DNER: variants seen among roughly 807,000 people sequenced by gnomAD.
DNER encodes delta and Notch-like epidermal growth factor-related receptor.
In DNER, 33 loss-of-function variants were observed where a neutral mutation model predicts 78.2. The observed-to-expected ratio is 0.42, with a 90% CI of 0.32 to 0.56. The LOEUF (loss-of-function observed/expected upper bound fraction) is 0.56, where lower values mean the gene tolerates loss of function less well. Ranked by LOEUF, DNER falls within the 20% of genes least tolerant of loss-of-function variation. The pLI, the probability that DNER is intolerant of heterozygous loss-of-function variation, is 0.11. For synonymous variants in DNER, 417 were observed against 384.8 expected, an observed-to-expected ratio of 1.08 and a Z score of -0.98; for missense variants, 918 against 975.3, an observed-to-expected ratio of 0.94 and a Z score of 0.78.
At chr2:229,579,200 G>A (rs1697351630) in intron 4 of DNER, among the ~76,000 whole-genome samples, 1 of 152,160 alleles carries the variant, frequency 6.6e-6, no homozygotes. Flanking sequence ...CCCTCTGGCA[G>A]AGTTAGCTGC....
intron 1 of DNER, among the ~76,000 whole-genome samples, chr2:229,638,985 C>T (rs562469943): frequency 6.6e-6 from 1 of 152,266 alleles, no homozygotes; most frequent in East Asian, 1.9e-4. Context: ...ACCACCTGGA[C>T]TCACCTGACG....
intron 5 of DNER, among the ~76,000 whole-genome samples, chr2:229,521,545 G>A (rs952532531): frequency 8.5e-5 from 13 of 152,158 alleles, no homozygotes; most frequent in South Asian, 2.1e-4. Flanking sequence ...AGTAACCATT[G>A]ACACATTTTG....
At chr2:229,432,475 A>C (rs989003724) in intron 8 of DNER, among the ~76,000 whole-genome samples, 8 of 152,234 alleles carry the variant, frequency 5.3e-5, no homozygotes, top group African/African-American at 1.9e-4. Context: ...ATACTAACAA[A>C]GAGAAATTTT....
chr2:229,682,775 G>T (rs2154217165), intron 1 of DNER, among the ~76,000 whole-genome samples: 1 of 152,276 alleles, frequency 6.6e-6, no homozygotes, highest in East Asian at 1.9e-4. Context: ...TTGAACCCAG[G>T]AGGCAGAGGT....
intron 4 of DNER, among the ~76,000 whole-genome samples, chr2:229,551,268 C>T (rs1696730201): frequency 6.6e-6 from 1 of 152,168 alleles, no homozygotes; most frequent in East Asian, 1.9e-4. Context: ...TCACAAATAT[C>T]TACGATGACT....
intron 1 of DNER, among the ~76,000 whole-genome samples, chr2:229,692,749 A>G (rs1425760283): frequency 2.0e-5 from 3 of 152,164 alleles, no homozygotes; most frequent in African/African-American, 7.2e-5. Flanking sequence ...TTAATATTCC[A>G]CTGTTTCAAT....
chr2:229,561,527 T>C (rs1050774546), intron 4 of DNER, among the ~76,000 whole-genome samples: 2 of 152,148 alleles, frequency 1.3e-5, no homozygotes, highest in South Asian at 2.1e-4. Flanking sequence ...TTATTTAATA[T>C]CAAAATACAG....
chr2:229,705,922 C>T (rs1699820923), intron 1 of DNER, among the ~76,000 whole-genome samples: 2 of 152,178 alleles, frequency 1.3e-5, no homozygotes, highest in Non-Finnish European at 2.9e-5. Flanking sequence ...TCACATACTT[C>T]CCTGGAAATA....
intron 8 of DNER, among the ~76,000 whole-genome samples, chr2:229,440,633 TG>T (rs777049044): frequency 3.7e-4 from 57 of 152,368 alleles, no homozygotes; most frequent in Middle Eastern, 3.4e-3. Context: ...TTTTTTCCCC[TG>T]GTTTCAGTCT....
intron 1 of DNER, among the ~76,000 whole-genome samples, chr2:229,614,063 A>T (rs1036256378): frequency 4.0e-5 from 6 of 151,498 alleles, no homozygotes; most frequent in Non-Finnish European, 8.8e-5. Context: ...GCATTAGGAG[A>T]TATACCTAAT....
At chr2:229,615,535 C>CCG in intron 1 of DNER, among the ~76,000 whole-genome samples, 1 of 151,900 alleles carries the variant, frequency 6.6e-6, no homozygotes. Context: ...TGGTGAAACC[C>CCG]TATCTCTACT....
chr2:229,497,619 A>C (rs1235065583), intron 6 of DNER, among the ~76,000 whole-genome samples: 1 of 152,166 alleles, frequency 6.6e-6, no homozygotes, highest in Non-Finnish European at 1.5e-5. Context: ...ATTACAACTG[A>C]TACCACAGAG....
At chr2:229,410,359 G>A (rs374279362) in intron 9 of DNER, among the ~76,000 whole-genome samples, 9 of 152,174 alleles carry the variant, frequency 5.9e-5, no homozygotes, top group East Asian at 3.8e-4. Context: ...ATCATAATGC[G>A]TGGAAGAAAT....
chr2:229,523,824 T>C (rs938738538), intron 5 of DNER, among the ~76,000 whole-genome samples: 2 of 152,374 alleles, frequency 1.3e-5, no homozygotes, highest in Admixed American at 6.5e-5. Context: ...AATTGCTGTC[T>C]GAAGAGGTTA....
intron 1 of DNER, among the ~76,000 whole-genome samples, chr2:229,653,480 C>T (rs572166220): frequency 6.6e-6 from 1 of 152,304 alleles, no homozygotes; most frequent in African/African-American, 2.4e-5. Flanking sequence ...ATTCTTCACT[C>T]TACAGTTTTT....
At chr2:229,486,620 G>T (rs1695281721) in intron 6 of DNER, among the ~76,000 whole-genome samples, 1 of 152,142 alleles carries the variant, frequency 6.6e-6, no homozygotes, top group African/African-American at 2.4e-5. Context: ...CAAGCAGCAG[G>T]TACCATTTCT....
At chr2:229,359,610 CA>C (rs994697302) in intron 12 of DNER, among the ~76,000 whole-genome samples, 5 of 152,088 alleles carry the variant, frequency 3.3e-5, no homozygotes, top group African/African-American at 1.2e-4. Context: ...TTAAATTTTA[CA>C]AGGTTCCTAG....
chr2:229,584,003 G>T (rs1350463249), intron 4 of DNER, among the ~76,000 whole-genome samples: 1 of 152,194 alleles, frequency 6.6e-6, no homozygotes, highest in African/African-American at 2.4e-5. Flanking sequence ...CTCATCAGAA[G>T]AGGGTCAGTC....
chr2:229,605,980 C>T (rs1294292537), intron 1 of DNER, among the ~76,000 whole-genome samples: 2 of 152,152 alleles, frequency 1.3e-5, no homozygotes, highest in Non-Finnish European at 2.9e-5. Context: ...GAAAATTTCA[C>T]CATTCAAGAT....
Sources: allele counts gnomAD v4.1 joint callset (sites outside exome capture counted in the v4.1 genomes callset), GRCh38; gene constraint gnomAD v4.1.1; transcripts MANE v1.5; gene names NCBI Gene and HGNC (gene_info 2026-07-23, HGNC 2026-07-21).